The following CNTNAP2 variants were observed in gnomAD, a reference collection of about 807,000 sequenced individuals.
CNTNAP2 encodes the protein contactin associated protein 2, also known as contactin-associated protein-like 2.
In CNTNAP2, 98 loss-of-function variants were observed where a neutral mutation model predicts 155.2. That is an observed-to-expected ratio of 0.63 (90% confidence interval 0.54 to 0.75). The LOEUF is 0.75. CNTNAP2 is among the 30% of genes least tolerant of loss of function. The probability of loss-of-function intolerance (pLI) is 0.00; values close to 1 mark genes in which losing one functional copy is unlikely to be tolerated. For missense variants in CNTNAP2, 1,727 were observed against 1,688.1 expected (o/e 1.02, Z -0.40); for synonymous variants, 651 against 631.2 (o/e 1.03, Z -0.47).
rs367944578 is a variant in CNTNAP2, at chr7:148,417,264, A to C, written c.*1648A>C. 1 of 152,608 alleles carries C rather than the reference A, an allele frequency of 6.6e-6. No homozygotes were observed. Among genetic ancestry groups the C allele is most frequent in the East Asian group, 1.9e-4 (1 of 5,184 alleles). The allele number at this position is 152,608 out of a possible 1,614,324, so 9.5% of individuals were successfully genotyped here. ...TTAGAATTATGCATTCTTTTTCAAG[A>C]TTCTCAGTGTGCCTAACTTATTGGA... On this transcript the variant is annotated 3_prime_UTR_variant, in exon 24 of 24. Transcript: ENST00000361727.
chr7:148,087,491 A>G (rs962455819), intron 15 of CNTNAP2, among the ~76,000 whole-genome samples: 3 of 152,036 alleles, frequency 2.0e-5, no homozygotes, highest in Non-Finnish European at 4.4e-5. Context: ...TTCAGACTAG[A>G]CCCAACTTCT....
At chr7:146,712,080 T>C (rs1801090618) in intron 1 of CNTNAP2, among the ~76,000 whole-genome samples, 1 of 119,612 alleles carries the variant, frequency 8.4e-6, no homozygotes, top group Admixed American at 8.6e-5. Flanking sequence ...ATACACATCT[T>C]ATGTATACTA....
intron 1 of CNTNAP2, among the ~76,000 whole-genome samples, chr7:146,740,770 A>G (rs546482154): frequency 6.6e-6 from 1 of 152,284 alleles, no homozygotes; most frequent in South Asian, 2.1e-4. Flanking sequence ...CCACTACAGC[A>G]GGCTAGGTGT....
intron 10 of CNTNAP2, among the ~76,000 whole-genome samples, chr7:147,462,981 G>A (rs1455809567): frequency 6.6e-6 from 1 of 152,148 alleles, no homozygotes; most frequent in Non-Finnish European, 1.5e-5. Context: ...TGTTTTATTT[G>A]AATTAACACA....
At chr7:148,202,922 CT>C (rs1795390248) in intron 18 of CNTNAP2, among the ~76,000 whole-genome samples, 1 of 151,930 alleles carries the variant, frequency 6.6e-6, no homozygotes, top group South Asian at 2.1e-4. Flanking sequence ...CTCATTTTTT[CT>C]TTTTTCCTCC....
chr7:148,122,696 C>T (rs1804624993), intron 16 of CNTNAP2, among the ~76,000 whole-genome samples: 1 of 152,042 alleles, frequency 6.6e-6, no homozygotes. Context: ...GGAAGCCAGA[C>T]AACCAGCCAT....
chr7:146,693,291 ATGC>A (rs1010526213), intron 1 of CNTNAP2, among the ~76,000 whole-genome samples: 20 of 152,010 alleles, frequency 1.3e-4, no homozygotes, highest in African/African-American at 4.8e-4. Flanking sequence ...GTATTTTCTT[ATGC>A]TGATGTTATG....
rs75419702 is a variant in CNTNAP2, at chr7:146,756,787, G to T, written c.98-17484G>T. On this transcript the variant is annotated intron_variant, in intron 1 of 23. Transcript: ENST00000361727. ...TCTTCCAACCTTTCCTGTTCTTAGC[G>T]CATTTGAAATTATAGGTCTACACAG... is the stretch of plus-strand genomic sequence containing the variant. Among the ~76,000 whole-genome samples the T allele has an allele frequency of 1.8e-3, 272 of 151,922 alleles. 6 individuals carry two copies. The East Asian group carries it at 0.046, about 26-fold the overall frequency.
At chr7:146,815,039 A>G (rs968171280) in intron 2 of CNTNAP2, among the ~76,000 whole-genome samples, 5 of 152,178 alleles carry the variant, frequency 3.3e-5, no homozygotes, top group East Asian at 1.9e-4. Flanking sequence ...TGTACCTTCA[A>G]TTCTTCAATT....
intron 1 of CNTNAP2, among the ~76,000 whole-genome samples, chr7:146,638,499 C>CTTTTTTTTTTT (rs1799646608): frequency 4.3e-5 from 4 of 93,664 alleles, no homozygotes; most frequent in East Asian, 7.5e-4. Context: ...TTTTTTTTTT[C>CTTTTTTTTTTT]TTTGAGATGG....
intron 11 of CNTNAP2, among the ~76,000 whole-genome samples, chr7:147,497,349 C>G (rs1317508209): frequency 6.6e-6 from 1 of 152,164 alleles, no homozygotes; most frequent in South Asian, 2.1e-4. Flanking sequence ...CGGATGCCAC[C>G]ACCAAATGCC....
At chr7:148,285,560 G>A (rs1285059959) in intron 21 of CNTNAP2, among the ~76,000 whole-genome samples, 1 of 152,256 alleles carries the variant, frequency 6.6e-6, no homozygotes, top group African/African-American at 2.4e-5. Flanking sequence ...CCTTCCAAGT[G>A]TGAAACACCT....
intron 20 of CNTNAP2, among the ~76,000 whole-genome samples, chr7:148,248,094 A>G (rs748051436): frequency 4.6e-5 from 7 of 152,166 alleles, no homozygotes; most frequent in Admixed American, 1.3e-4. Context: ...TATTTCTAAT[A>G]TCCCAGAAGG....
intron 8 of CNTNAP2, among the ~76,000 whole-genome samples, chr7:147,251,283 C>T (rs969136781): frequency 2.6e-5 from 4 of 152,186 alleles, no homozygotes; most frequent in Non-Finnish European, 4.4e-5. Flanking sequence ...AAAATCTCTT[C>T]CTTGCAAGAC....
intron 14 of CNTNAP2, among the ~76,000 whole-genome samples, chr7:147,914,031 G>A (rs535175894): frequency 1.3e-5 from 2 of 151,610 alleles, no homozygotes; most frequent in African/African-American, 4.8e-5. Context: ...TTCTAAGGTG[G>A]CATATACCAT....
intron 1 of CNTNAP2, among the ~76,000 whole-genome samples, chr7:146,395,822 TAGAGG>T (rs1296604885): frequency 7.8e-6 from 1 of 128,478 alleles, no homozygotes; most frequent in Non-Finnish European, 1.6e-5. Flanking sequence ...GATAGATAGA[TAGAGG>T]AGAGAGAGAG....
At chr7:146,275,333 T>C (rs1241908980) in intron 1 of CNTNAP2, among the ~76,000 whole-genome samples, 1 of 152,182 alleles carries the variant, frequency 6.6e-6, no homozygotes, top group Admixed American at 6.5e-5. Context: ...ATAGTGACCA[T>C]GAATAGAGGA....
intron 1 of CNTNAP2, among the ~76,000 whole-genome samples, chr7:146,213,249 CT>C (rs560288604): frequency 2.4e-4 from 36 of 152,186 alleles, no homozygotes; most frequent in African/African-American, 8.2e-4. Flanking sequence ...TTAAAAGAAG[CT>C]TTCTTTATAT....
intron 20 of CNTNAP2, among the ~76,000 whole-genome samples, chr7:148,265,769 T>A (rs1057494501): frequency 6.6e-6 from 1 of 152,210 alleles, no homozygotes; most frequent in Non-Finnish European, 1.5e-5. Flanking sequence ...TGAGGACCCT[T>A]TGACTCTTAA....
Sources: gnomAD v4.1 joint callset for allele counts (sites outside exome capture counted in the v4.1 genomes callset) on GRCh38, gnomAD v4.1.1 for gene constraint, MANE v1.5 for transcripts, NCBI Gene and HGNC (gene_info 2026-07-23, HGNC 2026-07-21) for gene names.